Variants in SCARA5 observed in about 807,000 individuals in gnomAD.
SCARA5 encodes scavenger receptor class A, member 5 (putative).
A neutral mutation model predicts 46.3 loss-of-function variants in SCARA5; 45 were observed. That is an observed-to-expected ratio of 0.97 (90% CI 0.76 to 1.24). SCARA5 has a LOEUF of 1.24. SCARA5 is among the 50% of genes most tolerant of loss of function. The probability of loss-of-function intolerance (pLI) is 0.00; values close to 1 mark genes in which losing one functional copy is unlikely to be tolerated. For synonymous variants in SCARA5, 333 were observed against 306.5 expected (o/e 1.09, Z -0.90); for missense variants, 680 against 689.0 (o/e 0.99, Z 0.15).
At chr8:27,978,926 C>T (rs1404975293) in intron 2 of SCARA5, among the ~76,000 whole-genome samples, 2 of 152,174 alleles carry the variant, frequency 1.3e-5, no homozygotes, top group Non-Finnish European at 2.9e-5. Flanking sequence ...TGCTGGCTCT[C>T]TTATCCTACT....
intron 7 of SCARA5, among the ~76,000 whole-genome samples, chr8:27,884,108 A>G (rs1806854531): frequency 6.6e-6 from 1 of 152,186 alleles, no homozygotes; most frequent in Non-Finnish European, 1.5e-5. Context: ...CCCCAACCCC[A>G]GGAATGATGC....
chr8:27,950,772 C>T (rs933701298), intron 3 of SCARA5, among the ~76,000 whole-genome samples: 8 of 151,878 alleles, frequency 5.3e-5, no homozygotes, highest in Non-Finnish European at 1.0e-4. Context: ...GAATCCAGTG[C>T]CAGCACTTTC....
intron 4 of SCARA5, among the ~76,000 whole-genome samples, chr8:27,913,019 T>C (rs1488840253): frequency 6.6e-6 from 1 of 151,664 alleles, no homozygotes; most frequent in African/African-American, 2.4e-5. Context: ...CACCTCACTC[T>C]GCATAACGCC....
chr8:27,928,161 G>A lies in SCARA5; in HGVS notation c.242-5916C>T, dbSNP rs144890597. ...TCTGCTTACACACCACCACCACCCAGCCTCTTTCCTCATTTAATTCCTTCC... is the reference window on the plus strand; with the variant it reads ...TCTGCTTACACACCACCACCACCCAACCTCTTTCCTCATTTAATTCCTTCC... On this transcript the variant is annotated intron_variant, in intron 3 of 8. Transcript: ENST00000354914. 2.6e-3 allele frequency among the ~76,000 whole-genome samples: 401 copies of A among 152,242 alleles called. 2 individuals are homozygous for A. Among genetic ancestry groups the A allele is most frequent in the African/African-American group, 8.1e-3 (336 of 41,540 alleles).
intron 4 of SCARA5, among the ~76,000 whole-genome samples, chr8:27,913,115 A>T (rs748536592): frequency 6.6e-6 from 1 of 152,184 alleles, no homozygotes; most frequent in Non-Finnish European, 1.5e-5. Context: ...CACCCTGTGG[A>T]GTTTGGCTGG....
chr8:27,933,295 G>C (rs992140506), intron 3 of SCARA5, among the ~76,000 whole-genome samples: 8 of 152,140 alleles, frequency 5.3e-5, no homozygotes, highest in African/African-American at 1.7e-4. Flanking sequence ...GCTGAGGCGG[G>C]TGAACCACCT....
At chr8:27,955,322 C>T (rs1303527663) in intron 3 of SCARA5, among the ~76,000 whole-genome samples, 1 of 152,210 alleles carries the variant, frequency 6.6e-6, no homozygotes. Context: ...ATGGGGCCAC[C>T]CTACCCCCAG....
chr8:27,922,097 G>C lies in SCARA5; in HGVS notation c.390C>G (p.Asp130Glu), dbSNP rs369092276. 1.2e-6 allele frequency: 2 copies of C among 1,603,544 alleles called. No individual in the cohort carries two copies. The highest frequency in any genetic ancestry group is 1.7e-6 in the Non-Finnish European group (2 of 1,176,216). Residue 130 changes from aspartate to glutamate, a missense_variant, in exon 4 of 9, where the codon GAC (aspartate) becomes GAG (glutamate). Asp to Glu is a conservative substitution (Grantham distance 45, BLOSUM62 2). Transcript: ENST00000354914. ...ACGAGTCTGACTGGTTCTGCAGCGC[G>C]TCCTGCACCTTCCACACCTGCTCCG... Reference protein sequence around the residue: ...DLTEQVWKVQDALQNQSDSLL... With the variant: ...DLTEQVWKVQEALQNQSDSLL...
At chr8:27,900,332 C>T (rs28633517) in intron 7 of SCARA5, among the ~76,000 whole-genome samples, 8,999 of 152,214 alleles carry the variant, frequency 0.059, 420 homozygotes, top group African/African-American at 0.13. Context: ...GCCTCCTTGA[C>T]TGTAAAACAG....
At chr8:27,888,760 C>T (rs74399775) in intron 7 of SCARA5, among the ~76,000 whole-genome samples, 7,317 of 152,296 alleles carry the variant, frequency 0.048, 217 homozygotes, top group South Asian at 0.11. Flanking sequence ...CCCTTTGATA[C>T]AGAGAAGCAG....
At chr8:27,882,269 C>T (rs139639787) in intron 7 of SCARA5, among the ~76,000 whole-genome samples, 14 of 152,258 alleles carry the variant, frequency 9.2e-5, no homozygotes, top group African/African-American at 3.4e-4. Context: ...TCTATGTGCA[C>T]CATAGTTTAT....
At chr8:27,931,191 G>A (rs1288380863) in intron 3 of SCARA5, among the ~76,000 whole-genome samples, 1 of 152,228 alleles carries the variant, frequency 6.6e-6, no homozygotes, top group Non-Finnish European at 1.5e-5. Context: ...CCCTGACCCT[G>A]GGATGCAGGA....
chr8:27,872,543 A>T (rs915906505), intron 8 of SCARA5, among the ~76,000 whole-genome samples: 1 of 152,232 alleles, frequency 6.6e-6, no homozygotes, highest in Non-Finnish European at 1.5e-5. Context: ...ATTGCCATGC[A>T]GTGAATCCGG....
At chr8:27,941,788 C>T (rs1451729500) in intron 3 of SCARA5, among the ~76,000 whole-genome samples, 1 of 141,096 alleles carries the variant, frequency 7.1e-6, no homozygotes, top group Admixed American at 7.4e-5. Context: ...ATTTAATCCC[C>T]ATTTACATCA....
intron 3 of SCARA5, among the ~76,000 whole-genome samples, chr8:27,932,702 C>T (rs999710200): frequency 2.0e-5 from 3 of 152,246 alleles, no homozygotes; most frequent in Non-Finnish European, 4.4e-5. Context: ...AATCTCGGCT[C>T]ACTGCAACCT....
intron 3 of SCARA5, among the ~76,000 whole-genome samples, chr8:27,944,550 T>C (rs1250392121): frequency 1.3e-5 from 2 of 152,064 alleles, no homozygotes; most frequent in Admixed American, 6.5e-5. Flanking sequence ...TCTCTGTAGG[T>C]TTAACATTTT....
chr8:27,960,570 G>A (rs545759081), intron 3 of SCARA5, among the ~76,000 whole-genome samples: 35 of 152,208 alleles, frequency 2.3e-4, no homozygotes, highest in South Asian at 1.0e-3. Context: ...TAGGCACCAC[G>A]ATCAACCCAT....
At chr8:27,895,500 AC>A (rs1350462628) in intron 7 of SCARA5, among the ~76,000 whole-genome samples, 2 of 152,214 alleles carry the variant, frequency 1.3e-5, no homozygotes, top group Non-Finnish European at 2.9e-5. Flanking sequence ...TGCTCTTAAT[AC>A]GTTCCTTTAC....
intron 3 of SCARA5, among the ~76,000 whole-genome samples, chr8:27,936,176 T>C (rs894425387): frequency 6.6e-6 from 1 of 152,080 alleles, no homozygotes; most frequent in Non-Finnish European, 1.5e-5. Flanking sequence ...TGATGTTCAA[T>C]GCAAGTGCCA....
Sources: gnomAD v4.1 joint callset for allele counts (sites outside exome capture counted in the v4.1 genomes callset) on GRCh38, gnomAD v4.1.1 for gene constraint, MANE v1.5 for transcripts, NCBI Gene and HGNC (gene_info 2026-07-23, HGNC 2026-07-21) for gene names.